LVRN: variants seen among roughly 807,000 people sequenced by gnomAD.
LVRN encodes laeverin, also known as aminopeptidase Q.
In LVRN, 99 loss-of-function variants were observed where a neutral mutation model predicts 111.4. The ratio of observed to expected loss-of-function variants is 0.89; its 90% confidence interval spans 0.76 to 1.05. The LOEUF is 1.05. LVRN is among the 50% of genes least tolerant of loss of function. LVRN has a pLI of 0.00. For missense variants in LVRN, 1,414 were observed against 1,206.8 expected (o/e 1.17, Z -2.54); for synonymous variants, 488 against 449.5 (o/e 1.09, Z -1.08).
chr5:115,968,114 C>T (rs1753240803), intron 1 of LVRN, among the ~76,000 whole-genome samples: 1 of 152,126 alleles, frequency 6.6e-6, no homozygotes, highest in Admixed American at 6.5e-5. Flanking sequence ...GTAAAACTTC[C>T]AGCACTGTGT....
At chr5:115,971,946 C>G (rs1488737200) in intron 1 of LVRN, among the ~76,000 whole-genome samples, 5 of 87,526 alleles carry the variant, frequency 5.7e-5, no homozygotes, top group African/African-American at 1.9e-4. Flanking sequence ...AAGCTTCTAA[C>G]CCATAAACAT....
intron 18 of LVRN, chr5:116,019,841 C>A (rs1025805740): frequency 1.3e-5 from 2 of 152,170 alleles, no homozygotes; most frequent in Non-Finnish European, 2.9e-5. Flanking sequence ...CATCTCAGGT[C>A]CAGCTTGGCC....
intron 12 of LVRN, 56 bp from the exon 13 acceptor site, chr5:116,005,856 C>G: frequency 5.5e-6 from 8 of 1,461,880 alleles, no homozygotes; most frequent in Non-Finnish European, 7.7e-6. Flanking sequence ...ATTTTGAAAA[C>G]TTTGCGGAAA....
At position 116,001,096 on chromosome 5, in the gene LVRN, G is replaced by T. The variant is rs753232488; in HGVS notation, c.1677G>T (p.Leu559Phe). 6.8e-6 allele frequency: 11 copies of T among 1,610,874 alleles called. No homozygotes were observed. The highest frequency in any genetic ancestry group is 9.3e-6 in the Non-Finnish European group (11 of 1,179,200). Residue 559 changes from leucine to phenylalanine, a missense_variant, in exon 10 of 20, where the codon TTG becomes TTT. By Grantham distance (22) the Leu-to-Phe change is conservative. Coordinates refer to ENST00000357872, the MANE Select transcript of LVRN (RefSeq NM_173800.5). ...MAIDDQSTVILPATIKNIMDS... is the reference protein window; with the variant it reads ...MAIDDQSTVIFPATIKNIMDS... ...TAGATGACCAGAGTACAGTTATTTT[G>T]CCAGCAACAATAAAAAACATAATGG...
intron 1 of LVRN, 46 bp downstream of exon 1, chr5:115,963,358 G>A (rs199537422): frequency 7.4e-4 from 1,087 of 1,471,174 alleles, no homozygotes; most frequent in Non-Finnish European, 9.3e-4. Flanking sequence ...CCGCCCCTGC[G>A]TCCCGGTGCA....
At chr5:115,985,310 A>T (rs1176941862) in intron 3 of LVRN, among the ~76,000 whole-genome samples, 1 of 152,146 alleles carries the variant, frequency 6.6e-6, no homozygotes, top group South Asian at 2.1e-4. Flanking sequence ...TTGGTTTGGA[A>T]TGTTTTATTA....
At chr5:115,966,321 A>G (rs938679189) in intron 1 of LVRN, among the ~76,000 whole-genome samples, 2 of 152,222 alleles carry the variant, frequency 1.3e-5, no homozygotes, top group Non-Finnish European at 2.9e-5. Context: ...TATATCCTTT[A>G]GACCTTTCTG....
At chr5:115,992,540 G>T (rs1292475249) in intron 5 of LVRN, among the ~76,000 whole-genome samples, 1 of 152,134 alleles carries the variant, frequency 6.6e-6, no homozygotes, top group Non-Finnish European at 1.5e-5. Context: ...GCTCCACAAA[G>T]TCCTCTTCAG....
In LVRN at chr5:115,983,023, G is replaced by T. The variant is rs533917505; in HGVS notation, c.696-264G>T. Among the ~76,000 whole-genome samples the T allele has an allele frequency of 7.2e-5, 11 of 152,230 alleles. No individual in the cohort carries two copies. In the South Asian group the frequency reaches 2.1e-3, roughly 29 times the overall value. ...TTTGTTTCTATTCTGTTTGTAAAAG[G>T]TTTTAAAGGTTTACGATGTAATAAA... is the stretch of plus-strand genomic sequence containing the variant. On this transcript the variant is annotated intron_variant, in intron 1 of 19. Transcript: ENST00000357872.
chr5:115,985,424 T>A (rs1258944133), intron 3 of LVRN, among the ~76,000 whole-genome samples: 3 of 152,120 alleles, frequency 2.0e-5, no homozygotes, highest in Non-Finnish European at 2.9e-5. Flanking sequence ...GGGAAAAGCA[T>A]ACGTGCCCCG....
At chr5:115,974,976 TA>T in intron 1 of LVRN, 1 of 408,356 alleles carries the variant, frequency 2.4e-6, no homozygotes, top group African/African-American at 2.1e-5. Flanking sequence ...GAAATGAAGA[TA>T]ATCACTTTGT....
At chr5:116,018,055 G>A (rs939738996) in intron 18 of LVRN, among the ~76,000 whole-genome samples, 1 of 152,036 alleles carries the variant, frequency 6.6e-6, no homozygotes, top group Non-Finnish European at 1.5e-5. Flanking sequence ...TAGCCCAGGA[G>A]TTTGAGACCA....
chr5:115,970,407 G>A lies in LVRN; in HGVS notation c.695+7095G>A, dbSNP rs376036755. Among the ~76,000 whole-genome samples the A allele has an allele frequency of 4.9e-5, 7 of 142,792 alleles. 1 individual carries two copies. Among genetic ancestry groups the A allele is most frequent in the African/African-American group, 1.3e-4 (5 of 38,014 alleles). The allele number at this position is 142,792 out of a possible 152,430, so 93.7% of individuals were successfully genotyped here. On this transcript the variant is annotated intron_variant, in intron 1 of 19. Coordinates refer to ENST00000357872, the MANE Select transcript of LVRN (RefSeq NM_173800.5). ...TTCTTTTTTTTTTTTTTTTTGAGAC[G>A]GAGTCTTGCTCTGTCACCAGGCTGG...
intron 18 of LVRN, among the ~76,000 whole-genome samples, chr5:116,019,674 G>C (rs1748672955): frequency 6.6e-6 from 1 of 152,254 alleles, no homozygotes; most frequent in South Asian, 2.1e-4. Context: ...GTTTGGTCTT[G>C]GCTGTGGGAG....
At chr5:116,005,180 C>A (rs574819090) in intron 12 of LVRN, among the ~76,000 whole-genome samples, 1 of 152,284 alleles carries the variant, frequency 6.6e-6, no homozygotes, top group Non-Finnish European at 1.5e-5. Flanking sequence ...TTAAACTATA[C>A]CAACTGAAGA....
At chr5:116,021,782 A>G in intron 18 of LVRN, 1 of 422,936 alleles carries the variant, frequency 2.4e-6, no homozygotes, top group Non-Finnish European at 4.6e-6. Context: ...TCATAGCAAT[A>G]CTTCACAGCT....
chr5:115,994,429 T>C (rs1168692298), intron 6 of LVRN, among the ~76,000 whole-genome samples: 7 of 151,864 alleles, frequency 4.6e-5, no homozygotes, highest in African/African-American at 1.7e-4. Flanking sequence ...TGTGCCACCA[T>C]GCCTAGATCA....
chr5:115,963,523 A>G (rs954562866), intron 1 of LVRN, among the ~76,000 whole-genome samples: 1 of 152,194 alleles, frequency 6.6e-6, no homozygotes, highest in Non-Finnish European at 1.5e-5. Flanking sequence ...TTTGTTACAT[A>G]TGTATACGTG....
chr5:116,003,499 G>T, intron 12 of LVRN, 119 bp downstream of exon 12: 1 of 578,106 alleles, frequency 1.7e-6, no homozygotes, highest in South Asian at 5.2e-5. Context: ...CTCACCTCCA[G>T]GCATGCAAAA....
Sources: gnomAD v4.1 joint callset for allele counts (sites outside exome capture counted in the v4.1 genomes callset) on GRCh38, gnomAD v4.1.1 for gene constraint, MANE v1.5 for transcripts, NCBI Gene and HGNC (gene_info 2026-07-23, HGNC 2026-07-21) for gene names.